C2CD2: variants seen among roughly 807,000 people sequenced by gnomAD.
The protein encoded by C2CD2 is C2 domain-containing protein 2.
In C2CD2, 43 loss-of-function variants were observed where a neutral mutation model predicts 74.3. The ratio of observed to expected loss-of-function variants is 0.58; its 90% CI spans 0.45 to 0.75. The LOEUF (loss-of-function observed/expected upper bound fraction) is 0.75. C2CD2 is among the 30% of genes least tolerant of loss of function. The pLI is 0.00. For synonymous variants in C2CD2, 422 were observed against 390.7 expected (o/e 1.08, Z -0.94); for missense variants, 801 against 916.3 (o/e 0.87, Z 1.63).
intron 13 of C2CD2, among the ~76,000 whole-genome samples, chr21:41,893,103 T>C (rs1266064918): frequency 6.6e-6 from 1 of 152,158 alleles, no homozygotes; most frequent in East Asian, 1.9e-4. Flanking sequence ...AGCCCAGGAA[T>C]TGGAGACTAG....
chr21:41,909,450 T>A lies in C2CD2; in HGVS notation c.1018+9A>T. 1.2e-6 allele frequency: 2 copies of A among 1,608,300 alleles called. No individual in the cohort carries two copies. The highest frequency in any genetic ancestry group is 2.2e-5 in the South Asian group (2 of 90,958). On this transcript the variant is annotated intron_variant, in intron 8 of 13. Coordinates refer to ENST00000380486, the MANE Select transcript of C2CD2 (RefSeq NM_015500.2). ...GAGGGCGAGGCCTCTGTCCTCCTGC[T>A]CAACCCACCTTCTGAGGATCGCCCA...
intron 1 of C2CD2, among the ~76,000 whole-genome samples, chr21:41,943,388 C>A (rs2065371646): frequency 6.6e-6 from 1 of 152,200 alleles, no homozygotes; most frequent in African/African-American, 2.4e-5. Flanking sequence ...GAACCCAGGG[C>A]TTATGTGACC....
chr21:41,914,810 G>A, intron 5 of C2CD2, 89 bp from the exon 6 acceptor site: 8 of 1,157,978 alleles, frequency 6.9e-6, no homozygotes, highest in Non-Finnish European at 9.8e-6. Flanking sequence ...TATGGGGGGT[G>A]GTGGCAGTGG....
chr21:41,915,131 G>A (rs776076360), intron 5 of C2CD2, among the ~76,000 whole-genome samples: 13 of 152,216 alleles, frequency 8.5e-5, no homozygotes, highest in Non-Finnish European at 1.3e-4. Flanking sequence ...TGCTAGTACA[G>A]AGCAGGACAC....
chr21:41,944,327 A>G (rs774385619), intron 1 of C2CD2, among the ~76,000 whole-genome samples: 10 of 152,102 alleles, frequency 6.6e-5, no homozygotes, highest in Non-Finnish European at 1.2e-4. Context: ...CCTGGCTAAC[A>G]TGGTGAAACC....
intron 4 of C2CD2, among the ~76,000 whole-genome samples, 159 bp from the exon 5 acceptor site, chr21:41,918,386 G>A (rs936601741): frequency 2.0e-5 from 3 of 152,190 alleles, no homozygotes; most frequent in Non-Finnish European, 4.4e-5. Flanking sequence ...AAGAAAGGAC[G>A]CCCTGCCCTT....
In C2CD2 at chr21:41,948,448, T is replaced by A. The variant is rs577378302; in HGVS notation, c.279+4922A>T. 1.1e-3 allele frequency among the ~76,000 whole-genome samples: 167 copies of A among 152,254 alleles called. 1 individual carries two copies. Among genetic ancestry groups the A allele is most frequent in the African/African-American group, 3.7e-3 (155 of 41,530 alleles). On this transcript the variant is annotated intron_variant, in intron 1 of 13. Transcript: ENST00000380486. ...AGGGGAGGATCAGGGACCTCTGAGC[T>A]GAGACCCAAAAGATTTAGAGAAGTT...
intron 1 of C2CD2, among the ~76,000 whole-genome samples, chr21:41,950,678 A>G (rs1218092709): frequency 1.3e-5 from 2 of 152,234 alleles, no homozygotes; most frequent in Non-Finnish European, 2.9e-5. Flanking sequence ...ACCAATGCGC[A>G]GACCTTGGCA....
chr21:41,908,529 C>T (rs2064991912), intron 8 of C2CD2: 1 of 152,044 alleles, frequency 6.6e-6, no homozygotes, highest in Non-Finnish European at 1.5e-5. Flanking sequence ...CTGTGCAGGT[C>T]CCCGACCTGC....
At position 41,901,533 on chromosome 21, in the gene C2CD2, T is replaced by C. The variant is rs553186450; in HGVS notation, c.1560+89A>G. 145 of 1,358,996 alleles carry C rather than the reference T, an allele frequency of 1.1e-4. No homozygotes were observed. The African/African-American group carries it at 1.3e-3, about 12-fold the overall frequency. The allele number at this position is 1,358,996 out of a possible 1,614,324, so 84.2% of individuals were successfully genotyped here. A position where few individuals can be genotyped will look rare whatever the true frequency, so the allele number is the denominator to read the frequency against. On this transcript the variant is annotated intron_variant, in intron 12 of 13. Coordinates refer to ENST00000380486, the MANE Select transcript of C2CD2 (RefSeq NM_015500.2). ...TGGAACTCTCTGGACGTTAACCAAG[T>C]GCTTGGGCTAACTTCTTCAAAGGGC...
intron 13 of C2CD2, among the ~76,000 whole-genome samples, chr21:41,897,597 C>CA (rs1295655370): frequency 1.3e-5 from 2 of 152,222 alleles, no homozygotes; most frequent in South Asian, 2.1e-4. Flanking sequence ...AGTGGGCAAA[C>CA]AGAGTCCAAC....
intron 2 of C2CD2, among the ~76,000 whole-genome samples, chr21:41,932,411 C>T (rs1257445798): frequency 7.2e-6 from 1 of 138,832 alleles, no homozygotes; most frequent in Non-Finnish European, 1.6e-5. Flanking sequence ...ATATGTGAAC[C>T]TCAGTGGGGT....
intron 12 of C2CD2, chr21:41,901,378 A>G (rs1874378999): frequency 1.8e-6 from 1 of 563,278 alleles, no homozygotes; most frequent in Admixed American, 3.0e-5. Context: ...TGATTTGCCA[A>G]CCTCTCAACG....
chr21:41,944,696 TC>T (rs2065384792), intron 1 of C2CD2, among the ~76,000 whole-genome samples: 1 of 152,060 alleles, frequency 6.6e-6, no homozygotes, highest in Non-Finnish European at 1.5e-5. Flanking sequence ...AACCACAAAT[TC>T]AGGTATCTCT....
Position 41,887,807 on chromosome 21 carries a change from A to C in C2CD2, c.*1317T>G, listed in dbSNP as rs2064702356. ...CCAAGCTTTCGTAACAGCCTTTTAC[A>C]TGTCTTTGGAGAAAAGTGAATCATA... On this transcript the variant is annotated 3_prime_UTR_variant, in exon 14 of 14. Coordinates refer to ENST00000380486, the MANE Select transcript of C2CD2 (RefSeq NM_015500.2). The C allele has an allele frequency of 6.6e-6, 1 of 152,204 alleles. No individual in the cohort carries two copies. The highest frequency in any genetic ancestry group is 6.5e-5 in the Admixed American group (1 of 15,280). 9.4% of individuals were successfully genotyped at this position (152,204 alleles called of 1,614,324 possible).
chr21:41,914,494 C>T, intron 6 of C2CD2, 104 bp downstream of exon 6: 1 of 954,910 alleles, frequency 1.0e-6, no homozygotes, highest in Admixed American at 2.8e-5. Flanking sequence ...GCTGCACCCC[C>T]ACGGGAGGAT....
chr21:41,927,160 A>C (rs1053033033), intron 2 of C2CD2, among the ~76,000 whole-genome samples: 1 of 152,158 alleles, frequency 6.6e-6, no homozygotes, highest in Non-Finnish European at 1.5e-5. Context: ...ACGGCTAAAG[A>C]TGTATTTTTA....
At chr21:41,952,482 G>C (rs1789838717) in intron 1 of C2CD2, among the ~76,000 whole-genome samples, 1 of 152,266 alleles carries the variant, frequency 6.6e-6, no homozygotes, top group Non-Finnish European at 1.5e-5. Context: ...GAAGGGCGGA[G>C]CAGCGGCCAA....
chr21:41,946,476 C>A (rs73221452), intron 1 of C2CD2, among the ~76,000 whole-genome samples: 3,685 of 152,206 alleles, frequency 0.024, 47 homozygotes, highest in Middle Eastern at 0.051. Context: ...TAGCACCTCC[C>A]GCCTCTTTCT....
Sources: gnomAD v4.1 joint callset for allele counts (sites outside exome capture counted in the v4.1 genomes callset) on GRCh38, gnomAD v4.1.1 for gene constraint, MANE v1.5 for transcripts, NCBI Gene and HGNC (gene_info 2026-07-23, HGNC 2026-07-21) for gene names.